Variants in TES observed in about 807,000 individuals in gnomAD.
TES encodes testin.
A neutral mutation model predicts 48.2 loss-of-function variants in TES; 41 were observed. The ratio of observed to expected loss-of-function variants is 0.85; its 90% CI spans 0.66 to 1.10. The LOEUF (loss-of-function observed/expected upper bound fraction) is 1.10. TES is among the 50% of genes least tolerant of loss of function. The pLI is 0.00. For synonymous variants in TES, 162 were observed against 174.9 expected, an observed-to-expected ratio of 0.93 and a Z score of 0.58; for missense variants, 463 against 515.1, an observed-to-expected ratio of 0.90 and a Z score of 0.98.
At chr7:116,220,049 T>A (rs968619251) in intron 1 of TES, among the ~76,000 whole-genome samples, 3 of 152,154 alleles carry the variant, frequency 2.0e-5, no homozygotes, top group African/African-American at 7.2e-5. Flanking sequence ...GTAAAACTCA[T>A]TTCTTTGGGA....
chr7:116,216,884 A>G (rs745812829), intron 1 of TES, among the ~76,000 whole-genome samples: 43 of 152,194 alleles, frequency 2.8e-4, no homozygotes, highest in Non-Finnish European at 5.1e-4. Flanking sequence ...ATGAAAAATA[A>G]TGGAACATTT....
chr7:116,221,096 CTG>C (rs1164461950), intron 1 of TES, among the ~76,000 whole-genome samples: 6 of 152,072 alleles, frequency 3.9e-5, no homozygotes, highest in Non-Finnish European at 5.9e-5. Context: ...AGTTCGATAA[CTG>C]GGGGATATAT....
At chr7:116,231,306 TAATA>T (rs976985348) in intron 1 of TES, among the ~76,000 whole-genome samples, 5 of 152,200 alleles carry the variant, frequency 3.3e-5, no homozygotes, top group African/African-American at 7.2e-5. Context: ...CTAGTAATTC[TAATA>T]AATAAAATGA....
At chr7:116,227,277 C>T (rs917331340) in intron 1 of TES, among the ~76,000 whole-genome samples, 11 of 151,152 alleles carry the variant, frequency 7.3e-5, no homozygotes, top group African/African-American at 2.4e-4. Flanking sequence ...TCACCGCGCC[C>T]GGCTATTTTT....
intron 2 of TES, among the ~76,000 whole-genome samples, chr7:116,248,343 A>G (rs921807947): frequency 6.6e-6 from 1 of 152,124 alleles, no homozygotes; most frequent in Non-Finnish European, 1.5e-5. Context: ...GGGTTGAATG[A>G]TAGTTCTAAG....
chr7:116,218,760 CTGGATAGAA>C (rs745880309), intron 1 of TES, among the ~76,000 whole-genome samples: 2 of 151,876 alleles, frequency 1.3e-5, no homozygotes, highest in Non-Finnish European at 2.9e-5. Context: ...AACTACAGTG[CTGGATAGAA>C]TGACATAAGT....
intron 2 of TES, among the ~76,000 whole-genome samples, chr7:116,245,711 A>G (rs950141957): frequency 6.6e-6 from 1 of 152,196 alleles, no homozygotes; most frequent in African/African-American, 2.4e-5. Flanking sequence ...GTACCAGTTT[A>G]CTGTATTTAT....
At chr7:116,245,575 T>G (rs1019509622) in intron 2 of TES, among the ~76,000 whole-genome samples, 35 of 152,150 alleles carry the variant, frequency 2.3e-4, no homozygotes, top group African/African-American at 7.2e-4. Context: ...TCTAGGAATT[T>G]CCAAACTTTC....
At chr7:116,252,509 G>T in intron 6 of TES, 33 bp downstream of exon 6, 1 of 1,614,120 alleles carries the variant, frequency 6.2e-7, no homozygotes, top group Non-Finnish European at 8.5e-7. Context: ...GGTTGCCTCA[G>T]CCTGCTTTAG....
At position 116,257,562 on chromosome 7, in the gene TES, A is replaced by G; in HGVS notation, c.*80A>G. 8.3e-7 allele frequency: 1 copy of G among 1,198,898 alleles called. No homozygotes were observed. The allele number at this position is 1,198,898 out of a possible 1,614,324, so 74.3% of individuals were successfully genotyped here. A position where few individuals can be genotyped will look rare whatever the true frequency, so the allele number is the denominator to read the frequency against. ...TACTGTAAAATGCAATTTGAAAAAA[A>G]TAAAACGCAAAAAAAGAAACTGTAA... On this transcript the variant is annotated 3_prime_UTR_variant, in exon 7 of 7. Transcript: ENST00000358204.
intron 1 of TES, among the ~76,000 whole-genome samples, chr7:116,214,493 AG>A: frequency 6.6e-6 from 1 of 152,298 alleles, no homozygotes; most frequent in South Asian, 2.1e-4. Context: ...AGGCACATCC[AG>A]GGCTTTGCTT....
At chr7:116,228,494 ATG>A (rs1799653123) in intron 1 of TES, among the ~76,000 whole-genome samples, 1 of 152,038 alleles carries the variant, frequency 6.6e-6, no homozygotes, top group Non-Finnish European at 1.5e-5. Flanking sequence ...TATGAAAAAC[ATG>A]TGTTTTTAGG....
At chr7:116,228,196 G>A (rs994976871) in intron 1 of TES, among the ~76,000 whole-genome samples, 1 of 152,052 alleles carries the variant, frequency 6.6e-6, no homozygotes, top group African/African-American at 2.4e-5. Flanking sequence ...CACAGATCAT[G>A]GGAATGTAAA....
chr7:116,223,619 A>G (rs538343010), intron 1 of TES, among the ~76,000 whole-genome samples: 1 of 152,292 alleles, frequency 6.6e-6, no homozygotes, highest in Admixed American at 6.5e-5. Context: ...GCTAAAAATC[A>G]TATTCTACCC....
intron 1 of TES, among the ~76,000 whole-genome samples, chr7:116,213,976 A>AT (rs935703490): frequency 2.0e-5 from 3 of 151,806 alleles, no homozygotes; most frequent in African/African-American, 4.8e-5. Context: ...CATGAGAAAT[A>AT]TTTTTTTTCA....
At chr7:116,250,054 G>T (rs1799980046) in intron 3 of TES, 107 bp from the exon 4 acceptor site, 3 of 918,486 alleles carry the variant, frequency 3.3e-6, no homozygotes, top group South Asian at 3.1e-5. Flanking sequence ...TGCTGCTATT[G>T]GATAGAACCC....
chr7:116,257,114 A>G (rs931265220), intron 6 of TES, among the ~76,000 whole-genome samples, 180 bp from the exon 7 acceptor site: 1 of 152,214 alleles, frequency 6.6e-6, no homozygotes, highest in African/African-American at 2.4e-5. Context: ...GCTGCTCAGA[A>G]TATTGACCTC....
At chr7:116,223,206 G>A (rs566651168) in intron 1 of TES, among the ~76,000 whole-genome samples, 4 of 152,118 alleles carry the variant, frequency 2.6e-5, no homozygotes, top group Admixed American at 1.3e-4. Context: ...CCTAAATTTC[G>A]CTCCTAATAA....
At chr7:116,228,707 T>C (rs1799655598) in intron 1 of TES, among the ~76,000 whole-genome samples, 1 of 152,144 alleles carries the variant, frequency 6.6e-6, no homozygotes, top group South Asian at 2.1e-4. Context: ...CTTTTTCAAA[T>C]AATTATTTTC....
Sources: allele counts gnomAD v4.1 joint callset (sites outside exome capture counted in the v4.1 genomes callset), GRCh38; gene constraint gnomAD v4.1.1; transcripts MANE v1.5; gene names NCBI Gene and HGNC (gene_info 2026-07-23, HGNC 2026-07-21).